HERC4: variants seen among roughly 807,000 people sequenced by gnomAD.
The protein encoded by HERC4 is HECT and RLD domain containing E3 ubiquitin protein ligase 4, also known as probable E3 ubiquitin-protein ligase HERC4.
HERC4 carries 28 observed loss-of-function variants against 124.3 expected under a neutral mutation model. The observed-to-expected ratio is 0.23, with a 90% confidence interval of 0.17 to 0.31. The LOEUF is 0.31. HERC4 is among the 10% of genes least tolerant of loss of function. The probability of loss-of-function intolerance (pLI) is 1.00; values close to 1 mark genes in which losing one functional copy is unlikely to be tolerated. For missense variants in HERC4, 713 were observed against 1,229.3 expected, an observed-to-expected ratio of 0.58 and a Z score of 6.28; for synonymous variants, 407 against 421.5, an observed-to-expected ratio of 0.97 and a Z score of 0.42.
At chr10:68,067,823 T>C (rs1165316731) in intron 3 of HERC4, 1 of 152,206 alleles carries the variant, frequency 6.6e-6, no homozygotes, top group Non-Finnish European at 1.5e-5. Flanking sequence ...TATCATACTA[T>C]TAAAACTATT....
chr10:67,948,305 G>A (rs2033539207), intron 19 of HERC4, among the ~76,000 whole-genome samples: 1 of 151,360 alleles, frequency 6.6e-6, no homozygotes, highest in South Asian at 2.1e-4. Flanking sequence ...AATCTACAAG[G>A]AACTCAGATA....
chr10:68,047,079 G>A (rs892258981), intron 3 of HERC4, among the ~76,000 whole-genome samples: 2 of 151,662 alleles, frequency 1.3e-5, no homozygotes, highest in Non-Finnish European at 2.9e-5. Flanking sequence ...GAGGAAATTT[G>A]AATTACTTGT....
chr10:68,051,467 C>T (rs1284030017), intron 3 of HERC4, among the ~76,000 whole-genome samples: 1 of 150,774 alleles, frequency 6.6e-6, no homozygotes, highest in African/African-American at 2.4e-5. Context: ...GCCTCAGCCT[C>T]CTGAGTAGCT....
chr10:68,015,965 C>T (rs748036840), intron 8 of HERC4, among the ~76,000 whole-genome samples: 6 of 151,944 alleles, frequency 3.9e-5, no homozygotes, highest in East Asian at 1.9e-4. Context: ...TAGCTGGGCA[C>T]GGTGGCATGC....
At chr10:68,039,556 A>G in intron 4 of HERC4, 2 of 1,538,930 alleles carry the variant, frequency 1.3e-6, no homozygotes, top group Non-Finnish European at 1.8e-6. Context: ...TGTATTAAAA[A>G]TATTTTTATT....
intron 11 of HERC4, 135 bp downstream of exon 11, chr10:67,992,064 A>C (rs2036580233): frequency 2.8e-6 from 2 of 704,892 alleles, no homozygotes; most frequent in East Asian, 3.2e-5. Context: ...ACGCCCAGCT[A>C]ATTGTATTTT....
At position 67,936,208 on chromosome 10, in the gene HERC4, C is replaced by G; in HGVS notation, c.2599G>C (p.Glu867Gln). The stretch of plus-strand genomic sequence containing the variant: ...CCATTTAGAACCAGCTCTTTCACTT[C>G]TGTTGCACCAAAGTTTTCAACTGTG... ...TITVENFGAT[E>Q]VKELVLNGAD... is the part of the protein sequence containing the mutation. The change falls in exon 22 of 25, where the codon GAA (glutamate) becomes CAA (glutamine). Residue 867 changes from glutamate to glutamine, a missense_variant. Transcript: ENST00000373700. 6.2e-7 allele frequency: 1 copy of G among 1,601,314 alleles called. No individual in the cohort carries two copies. Among genetic ancestry groups the G allele is most frequent in the Non-Finnish European group, 8.5e-7 (1 of 1,175,204 alleles).
intron 21 of HERC4, among the ~76,000 whole-genome samples, chr10:67,936,777 T>C (rs568606004): frequency 5.7e-4 from 87 of 152,322 alleles, no homozygotes; most frequent in Admixed American, 2.4e-3. Flanking sequence ...CATTCCCACT[T>C]ATGCATCTTT....
chr10:68,071,564 G>A (rs2041576806), intron 3 of HERC4, among the ~76,000 whole-genome samples: 1 of 152,174 alleles, frequency 6.6e-6, no homozygotes, highest in Non-Finnish European at 1.5e-5. Flanking sequence ...TCCAAGCTAA[G>A]CAAAAATAGT....
chr10:68,005,996 T>C (rs1292912831), intron 9 of HERC4, among the ~76,000 whole-genome samples: 2 of 152,204 alleles, frequency 1.3e-5, no homozygotes, highest in Admixed American at 6.5e-5. Flanking sequence ...GCAAACAACA[T>C]CTTAACTGAT....
At chr10:67,952,427 G>T (rs2033858052) in intron 19 of HERC4, among the ~76,000 whole-genome samples, 1 of 151,974 alleles carries the variant, frequency 6.6e-6, no homozygotes, top group South Asian at 2.1e-4. Context: ...GGGATTACAG[G>T]CATGTACCAC....
intron 8 of HERC4, among the ~76,000 whole-genome samples, chr10:68,020,028 G>C (rs2038514680): frequency 6.6e-6 from 1 of 152,076 alleles, no homozygotes; most frequent in Non-Finnish European, 1.5e-5. Context: ...GGCATTTAAG[G>C]TCTACAACAT....
At chr10:68,003,363 T>TG (rs35781027) in intron 9 of HERC4, among the ~76,000 whole-genome samples, 15,428 of 145,640 alleles carry the variant, frequency 0.11, 895 homozygotes, top group South Asian at 0.15. Context: ...TTAGTAGAGA[T>TG]GGGGTTTCAC....
intron 9 of HERC4, among the ~76,000 whole-genome samples, chr10:67,996,811 A>T (rs963058495): frequency 2.4e-4 from 37 of 151,864 alleles, no homozygotes; most frequent in African/African-American, 8.7e-4. Flanking sequence ...GTCTCTACTA[A>T]AAATAAAAAA....
chr10:68,059,561 CATA>C (rs796210475), intron 3 of HERC4, among the ~76,000 whole-genome samples: 3,958 of 69,072 alleles, frequency 0.057, 623 homozygotes, highest in East Asian at 0.39. Context: ...TAATATATAT[CATA>C]ATATTATATA....
chr10:68,059,883 TATATCATA>T (rs1363049725), intron 3 of HERC4, among the ~76,000 whole-genome samples: 9 of 78,006 alleles, frequency 1.2e-4, no homozygotes, highest in South Asian at 3.7e-4. Flanking sequence ...AATAATATTA[TATATCATA>T]ATATTATATA....
At chr10:67,940,638 C>T (rs7077601) in intron 20 of HERC4, among the ~76,000 whole-genome samples, 13,580 of 151,988 alleles carry the variant, frequency 0.089, 1,647 homozygotes, top group African/African-American at 0.28. Context: ...ATACTAGTCT[C>T]GAACTCCTGA....
At chr10:68,064,295 G>A (rs1294173698) in intron 3 of HERC4, among the ~76,000 whole-genome samples, 1 of 151,858 alleles carries the variant, frequency 6.6e-6, no homozygotes, top group African/African-American at 2.4e-5. Flanking sequence ...GGCTCAGGCA[G>A]GTAATCCCAG....
intron 9 of HERC4, among the ~76,000 whole-genome samples, chr10:68,013,089 C>T (rs755485423): frequency 1.2e-4 from 18 of 152,160 alleles, no homozygotes; most frequent in Non-Finnish European, 2.4e-4. Flanking sequence ...TTTGGGGCAA[C>T]CCTGCATAGA....
Sources: gnomAD v4.1 joint callset for allele counts (sites outside exome capture counted in the v4.1 genomes callset) on GRCh38, gnomAD v4.1.1 for gene constraint, MANE v1.5 for transcripts, NCBI Gene and HGNC (gene_info 2026-07-23, HGNC 2026-07-21) for gene names.